Variants in MAML2 observed in about 807,000 individuals in gnomAD.
The protein encoded by MAML2 is mastermind-like protein 2.
Under a neutral mutation model 96.1 loss-of-function variants are expected in MAML2, and 22 were observed. The ratio of observed to expected loss-of-function variants is 0.23; its 90% confidence interval spans 0.16 to 0.33. The LOEUF (loss-of-function observed/expected upper bound fraction) is 0.33. Ranked by LOEUF, MAML2 falls within the 10% of genes least tolerant of loss-of-function variation. The probability of loss-of-function intolerance (pLI) is 1.00; values close to 1 mark genes in which losing one functional copy is unlikely to be tolerated. For missense variants in MAML2, 1,367 were observed against 1,392.4 expected (o/e 0.98, Z 0.29); for synonymous variants, 561 against 521.3 (o/e 1.08, Z -1.04).
intron 1 of MAML2, among the ~76,000 whole-genome samples, chr11:96,106,188 A>C (rs1044919218): frequency 1.3e-5 from 2 of 152,204 alleles, no homozygotes; most frequent in Non-Finnish European, 2.9e-5. Flanking sequence ...TATATGACTG[A>C]GATGAATTCT....
intron 2 of MAML2, among the ~76,000 whole-genome samples, chr11:96,079,726 A>C (rs982753382): frequency 1.3e-5 from 2 of 152,228 alleles, no homozygotes; most frequent in African/African-American, 4.8e-5. Context: ...TCAGGAAGCG[A>C]CCATCAGATG....
intron 1 of MAML2, among the ~76,000 whole-genome samples, chr11:96,135,228 T>C (rs35147119): frequency 6.6e-6 from 1 of 152,172 alleles, no homozygotes; most frequent in Non-Finnish European, 1.5e-5. Context: ...TGCCTTTCCA[T>C]CTTCTACCAC....
At chr11:95,989,601 C>T (rs986693062) in intron 3 of MAML2, among the ~76,000 whole-genome samples, 2 of 152,120 alleles carry the variant, frequency 1.3e-5, no homozygotes, top group South Asian at 2.1e-4. Context: ...ACACATTTTT[C>T]TCTCTGCTGT....
intron 2 of MAML2, among the ~76,000 whole-genome samples, chr11:96,037,187 AT>A (rs1858728377): frequency 6.7e-6 from 1 of 148,430 alleles, no homozygotes; most frequent in Admixed American, 6.7e-5. Flanking sequence ...AAAATAAAAA[AT>A]AAAAAAACAA....
chr11:96,174,573 G>A lies in MAML2; in HGVS notation c.514-81056C>T, dbSNP rs550782933. Among the ~76,000 whole-genome samples the A allele has an allele frequency of 2.0e-4, 30 of 152,148 alleles. 1 individual carries two copies. The South Asian group carries it at 3.7e-3, about 19-fold the overall frequency. ...TAATTTTTGTATTTTTAGTAGAGAC[G>A]GGGTTTCACCATGTTGGTCAGGCTG... On this transcript the variant is annotated intron_variant, in intron 1 of 4. Coordinates refer to ENST00000524717, the MANE Select transcript of MAML2 (RefSeq NM_032427.4).
At chr11:96,303,674 G>A (rs939226696) in intron 1 of MAML2, among the ~76,000 whole-genome samples, 3 of 152,144 alleles carry the variant, frequency 2.0e-5, no homozygotes, top group Non-Finnish European at 4.4e-5. Context: ...GAATAAGATA[G>A]GCTGAATACA....
intron 1 of MAML2, among the ~76,000 whole-genome samples, chr11:96,297,174 C>T (rs563983245): frequency 1.3e-5 from 2 of 152,128 alleles, no homozygotes; most frequent in African/African-American, 4.8e-5. Flanking sequence ...ATGAAAATTC[C>T]GGAGTGAGGT....
At chr11:96,070,118 C>T (rs994731906) in intron 2 of MAML2, among the ~76,000 whole-genome samples, 7 of 151,630 alleles carry the variant, frequency 4.6e-5, no homozygotes, top group African/African-American at 7.3e-5. Context: ...AGTGAAACCC[C>T]GTCTCTACTA....
intron 1 of MAML2, among the ~76,000 whole-genome samples, chr11:96,328,078 A>C (rs1863809345): frequency 6.6e-6 from 1 of 152,120 alleles, no homozygotes; most frequent in Non-Finnish European, 1.5e-5. Flanking sequence ...CCTAGGTGAC[A>C]GAGTGATATT....
At position 96,341,441 on chromosome 11, in the gene MAML2, C is replaced by T; in HGVS notation, c.455G>A (p.Gly152Glu). 1 of 1,550,488 alleles carries T rather than the reference C, an allele frequency of 6.4e-7. No individual in the cohort carries two copies. Among genetic ancestry groups the T allele is most frequent in the African/African-American group, 1.4e-5 (1 of 73,164 alleles). ...SNNGGSGGIN[G>E]EQQPPASTPG... Reference sequence around the variant, plus strand: ...GGTTGAAGCGGGCGGCTGCTGCTCTCCGTTTATCCCACCACTGCCACCATT... The same window carrying T: ...GGTTGAAGCGGGCGGCTGCTGCTCTTCGTTTATCCCACCACTGCCACCATT... The change falls in exon 1 of 5, where the codon GGA becomes GAA. Residue 152 changes from glycine to glutamate, a missense_variant. Transcript: ENST00000524717.
chr11:96,134,492 G>A (rs1267765644), intron 1 of MAML2, among the ~76,000 whole-genome samples: 1 of 152,136 alleles, frequency 6.6e-6, no homozygotes, highest in Non-Finnish European at 1.5e-5. Context: ...TTATTTATTT[G>A]TTTAGAAGAT....
intron 1 of MAML2, among the ~76,000 whole-genome samples, chr11:96,107,673 T>C (rs1860046698): frequency 2.0e-5 from 3 of 152,214 alleles, no homozygotes; most frequent in Non-Finnish European, 4.4e-5. Context: ...TTGGGACTTT[T>C]GGCTTCACCA....
At chr11:96,070,007 A>G (rs934877126) in intron 2 of MAML2, among the ~76,000 whole-genome samples, 1 of 151,522 alleles carries the variant, frequency 6.6e-6, no homozygotes, top group Non-Finnish European at 1.5e-5. Flanking sequence ...CTGGTGACAG[A>G]GTGAGACTCT....
At chr11:96,180,555 A>C (rs1374608184) in intron 1 of MAML2, among the ~76,000 whole-genome samples, 1 of 152,156 alleles carries the variant, frequency 6.6e-6, no homozygotes, top group Non-Finnish European at 1.5e-5. Flanking sequence ...TAAACATGTG[A>C]GTGAGAGAAC....
chr11:96,092,214 TGCTGC>T lies in MAML2; in HGVS notation c.1812_1816del (p.Gln605AlafsTer124). The T allele has an allele frequency of 7.1e-5, 2 of 28,000 alleles. No homozygotes were observed. The highest frequency in any genetic ancestry group is 8.9e-5 in the Non-Finnish European group (2 of 22,376). The allele number at this position is 28,000 out of a possible 1,614,324, so 1.7% of individuals were successfully genotyped here. A position where few individuals can be genotyped will look rare whatever the true frequency, so the allele number is the denominator to read the frequency against. ...CTGTTGCTGCTGCTGCTGCTGTTGC[TGCTGC>T]TGCTGCTGCTGCTGCTGCTGCTGCT... is the stretch of plus-strand genomic sequence containing the variant. On this transcript the variant is annotated frameshift_variant, in exon 2 of 5. Transcript: ENST00000524717. LOFTEE classifies it high-confidence loss of function. The surrounding 1 kb of genome is among the most constrained non-coding windows in gnomAD (Gnocchi z 4.1).
At position 96,212,147 on chromosome 11, in the gene MAML2, GT is replaced by G. The variant is rs1565250387; in HGVS notation, c.514-118631del. Among the ~76,000 whole-genome samples the G allele has an allele frequency of 2.8e-3, 393 of 139,242 alleles. 7 individuals carry two copies. In the East Asian group the frequency reaches 0.045, roughly 16 times the overall value. 91.3% of individuals were successfully genotyped at this position (139,242 alleles called of 152,430 possible). A position where few individuals can be genotyped will look rare whatever the true frequency, so the allele number is the denominator to read the frequency against. On this transcript the variant is annotated intron_variant, in intron 1 of 4. Coordinates refer to ENST00000524717, the MANE Select transcript of MAML2 (RefSeq NM_032427.4). ...TGTGTGTGTGTGTGTGTGTGTGTGTGTGTGGAAGGGGGACTCGTAATCTCAT... is the reference window on the plus strand; with the variant it reads ...TGTGTGTGTGTGTGTGTGTGTGTGTGGTGGAAGGGGGACTCGTAATCTCAT...
chr11:95,994,574 G>A (rs904162604), intron 2 of MAML2, among the ~76,000 whole-genome samples: 2 of 152,080 alleles, frequency 1.3e-5, no homozygotes, highest in African/African-American at 4.8e-5. Flanking sequence ...CCTGTGACAG[G>A]GGGAAAGAGG....
chr11:96,038,127 A>C (rs1380508694), intron 2 of MAML2, among the ~76,000 whole-genome samples: 2 of 152,218 alleles, frequency 1.3e-5, no homozygotes, highest in Non-Finnish European at 2.9e-5. Context: ...GAATCTGAGG[A>C]ACATGCTCCA....
At chr11:96,211,584 A>G (rs1416571273) in intron 1 of MAML2, among the ~76,000 whole-genome samples, 2 of 152,174 alleles carry the variant, frequency 1.3e-5, no homozygotes, top group African/African-American at 4.8e-5. Context: ...GGTAGTTGTA[A>G]GAGAAGGGAA....
Sources: allele counts gnomAD v4.1 joint callset (sites outside exome capture counted in the v4.1 genomes callset), GRCh38; gene constraint gnomAD v4.1.1; non-coding constraint Gnocchi (gnomAD v3.1); transcripts MANE v1.5; gene names NCBI Gene and HGNC (gene_info 2026-07-23, HGNC 2026-07-21).